The following ANXA8 variants were observed in gnomAD, a reference collection of about 807,000 sequenced individuals.
ANXA8 encodes the protein VAC-beta.
Under a neutral mutation model 26.8 loss-of-function variants are expected in ANXA8, and 9 were observed. The observed-to-expected ratio is 0.34, with a 90% CI of 0.20 to 0.59. The LOEUF is 0.59. Ranked by LOEUF, ANXA8 falls within the 20% of genes least tolerant of loss-of-function variation. The pLI is 0.84. For missense variants in ANXA8, 83 were observed against 238.5 expected, an observed-to-expected ratio of 0.35 and a Z score of 4.29; for synonymous variants, 39 against 94.8, an observed-to-expected ratio of 0.41 and a Z score of 3.42.
chr10:47,500,675 A>G, the ANXA8 span, among the ~76,000 whole-genome samples: 1 of 107,008 alleles, frequency 9.3e-6, no homozygotes, highest in Non-Finnish European at 1.8e-5. Context: ...AAAGCTGTAG[A>G]TCACATTAAT....
At chr10:47,687,151 A>C in the ANXA8 span, among the ~76,000 whole-genome samples, 10 of 150,466 alleles carry the variant, frequency 6.6e-5, no homozygotes, top group Middle Eastern at 3.2e-3. Context: ...AAAGATTTGA[A>C]GCTAAAGGGA....
the ANXA8 span, among the ~76,000 whole-genome samples, chr10:47,942,859 C>T: frequency 2.8e-5 from 4 of 144,916 alleles, no homozygotes; most frequent in South Asian, 6.5e-4. Flanking sequence ...AGTGGGGAGC[C>T]AGGCAGCCTG....
At chr10:47,633,758 C>T in the ANXA8 span, among the ~76,000 whole-genome samples, 1,564 of 148,920 alleles carry the variant, frequency 0.011, 106 homozygotes, top group African/African-American at 0.039. Context: ...CCTAAACTTC[C>T]AGGACTGTAA....
At chr10:47,744,854 T>G in the ANXA8 span, among the ~76,000 whole-genome samples, 1 of 152,046 alleles carries the variant, frequency 6.6e-6, no homozygotes, top group South Asian at 2.1e-4. Context: ...TTCACATGAT[T>G]TTTGGATCAT....
the ANXA8 span, among the ~76,000 whole-genome samples, chr10:47,733,161 C>CTTTA: frequency 1.0e-5 from 1 of 96,904 alleles, no homozygotes. Context: ...TTCTTTCTTT[C>CTTTA]TTTCTTTCTT....
chr10:47,675,841 C>A, the ANXA8 span, among the ~76,000 whole-genome samples: 1 of 151,652 alleles, frequency 6.6e-6, no homozygotes, highest in Non-Finnish European at 1.5e-5. Flanking sequence ...GAAAAAAATG[C>A]TAGATGATTG....
the ANXA8 span, among the ~76,000 whole-genome samples, chr10:47,733,231 CTCTCTTTCTT>C: frequency 6.8e-4 from 51 of 75,038 alleles, 2 homozygotes; most frequent in East Asian, 4.9e-3. Context: ...CTCTTTCTTT[CTCTCTTTCTT>C]TCTTTCTTTC....
At chr10:47,968,724 A>G in the ANXA8 span, among the ~76,000 whole-genome samples, 9,640 of 148,432 alleles carry the variant, frequency 0.065, 4 homozygotes, top group African/African-American at 0.23. Flanking sequence ...CAATCTTATC[A>G]ACGGAGTCAT....
upstream of ANXA8, among the ~76,000 whole-genome samples, chr10:47,488,526 G>A (rs2942994): frequency 6.6e-6 from 1 of 151,166 alleles, no homozygotes; most frequent in Non-Finnish European, 1.5e-5. Context: ...TATTTTATAA[G>A]AGCAGCCTGA....
At chr10:47,987,071 C>T in the ANXA8 span, 1 of 456,160 alleles carries the variant, frequency 2.2e-6, no homozygotes, top group Non-Finnish European at 4.4e-6. Flanking sequence ...GGGGCTGAAA[C>T]CAAAGGCAGC....
the ANXA8 span, among the ~76,000 whole-genome samples, chr10:47,723,534 C>T: frequency 9.2e-6 from 1 of 108,956 alleles, no homozygotes; most frequent in Non-Finnish European, 2.0e-5. Flanking sequence ...CAGTTATATT[C>T]AGCATGTCAG....
the ANXA8 span, chr10:47,502,403 A>G: frequency 6.2e-7 from 1 of 1,610,384 alleles, no homozygotes; most frequent in Non-Finnish European, 8.5e-7. Flanking sequence ...GGGGCCAGAA[A>G]GAGCTTCTCC....
At chr10:47,733,201 CTT>C in the ANXA8 span, among the ~76,000 whole-genome samples, 119 of 89,300 alleles carry the variant, frequency 1.3e-3, no homozygotes, top group African/African-American at 3.3e-3. Flanking sequence ...TTCTTTCTTT[CTT>C]TCTTTCTTTC....
chr10:47,978,039 G>C, the ANXA8 span, among the ~76,000 whole-genome samples: 5 of 151,540 alleles, frequency 3.3e-5, 1 homozygote, highest in Non-Finnish European at 7.4e-5. Context: ...ATGACAAAAA[G>C]AGAATCTCGA....
chr10:47,528,382 T>A, the ANXA8 span, among the ~76,000 whole-genome samples: 2 of 102,010 alleles, frequency 2.0e-5, 1 homozygote, highest in Non-Finnish European at 3.7e-5. Context: ...CCGGCTAGAC[T>A]TAAAAAAAAA....
the ANXA8 span, among the ~76,000 whole-genome samples, chr10:47,912,359 T>G: frequency 6.8e-6 from 1 of 147,586 alleles, no homozygotes; most frequent in Non-Finnish European, 1.5e-5. Context: ...TTGGTCCCCC[T>G]GCATATACCC....
chr10:47,751,038 T>C, the ANXA8 span: 1 of 148,490 alleles, frequency 6.7e-6, no homozygotes, highest in South Asian at 2.1e-4. Flanking sequence ...AAAATCTTTT[T>C]AACAGCTTGA....
At chr10:47,626,554 T>C in the ANXA8 span, among the ~76,000 whole-genome samples, 1 of 149,944 alleles carries the variant, frequency 6.7e-6, no homozygotes, top group African/African-American at 2.5e-5. Context: ...TTCTCCACTC[T>C]AATATATACA....
chr10:47,624,242 C>CAA, the ANXA8 span, among the ~76,000 whole-genome samples: 2,912 of 29,012 alleles, frequency 0.1, 111 homozygotes, highest in Non-Finnish European at 0.11. Flanking sequence ...GACTCCATCT[C>CAA]AAAAAAAAAA....
Sources: allele counts gnomAD v4.1 joint callset (sites outside exome capture counted in the v4.1 genomes callset), GRCh38; gene constraint gnomAD v4.1.1; transcripts MANE v1.5; gene names NCBI Gene and HGNC (gene_info 2026-07-23, HGNC 2026-07-21).